GPC6: variants seen among roughly 807,000 people sequenced by gnomAD.
GPC6 encodes the protein glypican-6.
GPC6 carries 14 observed loss-of-function variants against 55.2 expected under a neutral mutation model. That is an observed-to-expected ratio of 0.25 (90% CI 0.17 to 0.40). The LOEUF (loss-of-function observed/expected upper bound fraction) is 0.40, where lower values mean the gene tolerates loss of function less well. Ranked by LOEUF, GPC6 falls within the 10% of genes least tolerant of loss-of-function variation. The pLI, the probability that GPC6 is intolerant of heterozygous loss-of-function variation, is 1.00. For synonymous variants in GPC6, 278 were observed against 259.6 expected (o/e 1.07, Z -0.68); for missense variants, 641 against 708.5 (o/e 0.90, Z 1.08).
At chr13:93,861,640 T>G (rs1888816850) in intron 3 of GPC6, among the ~76,000 whole-genome samples, 1 of 151,604 alleles carries the variant, frequency 6.6e-6, no homozygotes, top group Admixed American at 6.6e-5. Flanking sequence ...TTGCAGCTGG[T>G]TTACTCTGCG....
rs9589942 is a variant in GPC6 at position 94,271,384 on chromosome 13, A to G, written c.878-14965A>G. Among the ~76,000 whole-genome samples, 669 of 83,602 alleles carry G rather than the reference A, an allele frequency of 8.0e-3. 1 individual carries two copies. Among genetic ancestry groups the G allele is most frequent in the Middle Eastern group, 0.013 (3 of 232 alleles). 54.8% of individuals were successfully genotyped at this position (83,602 alleles called of 152,430 possible). A position where few individuals can be genotyped will look rare whatever the true frequency, so the allele number is the denominator to read the frequency against. On this transcript the variant is annotated intron_variant, in intron 4 of 8. Transcript: ENST00000377047. ...CACACACACGCGCGCGCGCGCGCGC[A>G]CACACACACACACACACACACACAC...
chr13:93,298,854 G>T (rs1386352702), intron 1 of GPC6, among the ~76,000 whole-genome samples: 5 of 150,850 alleles, frequency 3.3e-5, no homozygotes, highest in African/African-American at 1.2e-4. Context: ...GATCAAAGCA[G>T]ATGCAATCCC....
intron 2 of GPC6, among the ~76,000 whole-genome samples, chr13:93,757,130 C>G (rs1472080728): frequency 6.6e-6 from 1 of 152,140 alleles, no homozygotes. Context: ...GAAATTAAGG[C>G]TTTTGGACCA....
intron 6 of GPC6, among the ~76,000 whole-genome samples, chr13:94,351,667 G>C (rs1878548262): frequency 1.3e-5 from 2 of 151,982 alleles, no homozygotes; most frequent in South Asian, 4.1e-4. Context: ...CAAATCTGTG[G>C]CTATGTCATG....
intron 2 of GPC6, among the ~76,000 whole-genome samples, chr13:93,732,083 C>T (rs1883844030): frequency 6.6e-6 from 1 of 152,078 alleles, no homozygotes; most frequent in Non-Finnish European, 1.5e-5. Flanking sequence ...AAATGTTTCC[C>T]ATCATAGGTA....
At chr13:93,295,638 G>A (rs71429515) in intron 1 of GPC6, among the ~76,000 whole-genome samples, 13 of 151,876 alleles carry the variant, frequency 8.6e-5, no homozygotes, top group Non-Finnish European at 1.5e-4. Context: ...CTGCTACTGC[G>A]CTCGGGTAAT....
intron 1 of GPC6, among the ~76,000 whole-genome samples, chr13:93,346,825 G>T (rs1467441213): frequency 6.6e-6 from 1 of 151,990 alleles, no homozygotes; most frequent in African/African-American, 2.4e-5. Flanking sequence ...TGAAATTTTT[G>T]GATAGTGTAT....
At chr13:93,762,411 A>G (rs955424961) in intron 2 of GPC6, among the ~76,000 whole-genome samples, 1 of 152,204 alleles carries the variant, frequency 6.6e-6, no homozygotes, top group African/African-American at 2.4e-5. Flanking sequence ...TCAGAGTTGC[A>G]ACTGATTATA....
At chr13:94,379,644 A>C (rs1880068261) in intron 6 of GPC6, among the ~76,000 whole-genome samples, 1 of 152,134 alleles carries the variant, frequency 6.6e-6, no homozygotes, top group South Asian at 2.1e-4. Flanking sequence ...CCATTATCTT[A>C]ACCAACATTT....
chr13:93,265,749 A>C (rs529435255), intron 1 of GPC6, among the ~76,000 whole-genome samples: 2 of 152,144 alleles, frequency 1.3e-5, no homozygotes, highest in Non-Finnish European at 2.9e-5. Context: ...TTGGCCCACA[A>C]GAGCCAACTG....
chr13:94,175,990 A>C lies in GPC6; in HGVS notation c.878-110359A>C, dbSNP rs989346512. 6.9e-5 allele frequency among the ~76,000 whole-genome samples: 10 copies of C among 144,304 alleles called. No homozygotes were observed. In the East Asian group the frequency reaches 8.1e-4, roughly 12 times the overall value. 94.7% of individuals were successfully genotyped at this position (144,304 alleles called of 152,430 possible). On this transcript the variant is annotated intron_variant, in intron 4 of 8. Transcript: ENST00000377047. ...GAGAGAGAGAGAGAGAGAGAGAGAG[A>C]GAGCGAGCTTGTCCAATGGAGAATT...
intron 2 of GPC6, among the ~76,000 whole-genome samples, chr13:93,630,358 T>C (rs1879378160): frequency 6.6e-6 from 1 of 152,214 alleles, no homozygotes. Flanking sequence ...CGGACACTTC[T>C]GAAACTTCTC....
intron 1 of GPC6, among the ~76,000 whole-genome samples, chr13:93,542,938 G>A (rs576512474): frequency 6.6e-6 from 1 of 152,284 alleles, no homozygotes; most frequent in South Asian, 2.1e-4. Context: ...AGACGATGGG[G>A]TTTTCTAGAT....
At chr13:94,252,114 T>C (rs1342938658) in intron 4 of GPC6, among the ~76,000 whole-genome samples, 1 of 152,100 alleles carries the variant, frequency 6.6e-6, no homozygotes. Flanking sequence ...TGGCCTTCAA[T>C]GTCCCATACT....
chr13:93,239,044 A>G (rs535296710), intron 1 of GPC6, among the ~76,000 whole-genome samples: 2 of 152,030 alleles, frequency 1.3e-5, no homozygotes, highest in African/African-American at 4.8e-5. Flanking sequence ...CTCAGCCCAC[A>G]GTTTTATTTT....
chr13:93,691,065 A>G (rs1882240096), intron 2 of GPC6, among the ~76,000 whole-genome samples: 1 of 152,110 alleles, frequency 6.6e-6, no homozygotes, highest in Admixed American at 6.6e-5. Flanking sequence ...GGTTTTCTCT[A>G]AGTTATCCCA....
intron 1 of GPC6, among the ~76,000 whole-genome samples, chr13:93,525,306 CAA>C (rs541178890): frequency 6.6e-6 from 1 of 152,004 alleles, no homozygotes; most frequent in Non-Finnish European, 1.5e-5. Flanking sequence ...GTGCTTTGGG[CAA>C]AGTGTCAGGA....
intron 1 of GPC6, among the ~76,000 whole-genome samples, chr13:93,356,863 A>G (rs1287722733): frequency 6.6e-6 from 1 of 152,190 alleles, no homozygotes; most frequent in Non-Finnish European, 1.5e-5. Flanking sequence ...AGATGGATAC[A>G]GGTGCAAGGA....
intron 3 of GPC6, among the ~76,000 whole-genome samples, chr13:93,852,621 T>C (rs1888444606): frequency 6.6e-6 from 1 of 151,660 alleles, no homozygotes. Flanking sequence ...CTCTCTCCAA[T>C]TAATAGCAGA....
Sources: allele counts gnomAD v4.1 joint callset (sites outside exome capture counted in the v4.1 genomes callset), GRCh38; gene constraint gnomAD v4.1.1; transcripts MANE v1.5; gene names NCBI Gene and HGNC (gene_info 2026-07-23, HGNC 2026-07-21).